RGS6: variants seen among roughly 807,000 people sequenced by gnomAD.
The protein encoded by RGS6 is regulator of G-protein signaling 6.
RGS6 carries 30 observed loss-of-function variants against 78.5 expected under a neutral mutation model. The observed-to-expected ratio is 0.38, with a 90% CI of 0.29 to 0.52. The LOEUF (loss-of-function observed/expected upper bound fraction) is 0.52, where lower values mean the gene tolerates loss of function less well. Among genes scored for constraint, RGS6 ranks in the 20% least tolerant of loss-of-function variants. The pLI is 0.85. For missense variants in RGS6, 495 were observed against 609.7 expected (o/e 0.81, Z 1.98); for synonymous variants, 206 against 206.0 (o/e 1.00, Z 0.00).
intron 2 of RGS6, among the ~76,000 whole-genome samples, chr14:72,205,716 A>G (rs2042554495): frequency 6.6e-6 from 1 of 152,260 alleles, no homozygotes; most frequent in Admixed American, 6.5e-5. Context: ...ACTGTTAAAC[A>G]CATTTGAAAT....
chr14:72,482,258 G>A (rs1414933109), intron 12 of RGS6, among the ~76,000 whole-genome samples: 1 of 152,156 alleles, frequency 6.6e-6, no homozygotes, highest in African/African-American at 2.4e-5. Flanking sequence ...TCAGTGGTCA[G>A]GATCTTATAA....
At chr14:72,208,737 C>T (rs988393429) in intron 2 of RGS6, among the ~76,000 whole-genome samples, 7 of 152,214 alleles carry the variant, frequency 4.6e-5, no homozygotes, top group South Asian at 2.1e-4. Context: ...GTCTGCTAAT[C>T]GTATCAGCAA....
chr14:72,541,870 G>A (rs763463059), intron 17 of RGS6, among the ~76,000 whole-genome samples: 2 of 152,150 alleles, frequency 1.3e-5, no homozygotes, highest in Non-Finnish European at 2.9e-5. Flanking sequence ...AGGCAAGAAT[G>A]GTCTCGCGAA....
Position 72,340,121 on chromosome 14 carries a change from TC to T in RGS6, c.85-11973del, listed in dbSNP as rs200077447. Among the ~76,000 whole-genome samples the T allele has an allele frequency of 8.9e-3, 1,352 of 152,276 alleles. 10 individuals are homozygous for T. The highest frequency in any genetic ancestry group is 0.021 in the South Asian group (100 of 4,816). ...ATTTATATTTGGAATGAGTGATGATTCTCTCTGCTTCCCCTTTGGGACTGAC... is the reference window on the plus strand; with the variant it reads ...ATTTATATTTGGAATGAGTGATGATTTCTCTGCTTCCCCTTTGGGACTGAC... On this transcript the variant is annotated intron_variant, in intron 2 of 17. Transcript: ENST00000553525.
chr14:72,536,804 C>G (rs574853254), intron 16 of RGS6, among the ~76,000 whole-genome samples: 1 of 152,082 alleles, frequency 6.6e-6, no homozygotes, highest in Non-Finnish European at 1.5e-5. Context: ...TCCTTGACAC[C>G]CCCTTCCTCT....
rs150346714 is a variant in RGS6 at position 72,195,695 on chromosome 14, C to T, written c.85-156400C>T. ...AGTGACTAGGAGAACTTTTTATAAG[C>T]GACTTCCTGAGCAGCAAGTGATCAA... On this transcript the variant is annotated intron_variant, in intron 2 of 17. Transcript: ENST00000553525. Among the ~76,000 whole-genome samples, 15 of 152,254 alleles carry T rather than the reference C, an allele frequency of 9.9e-5. No individual in the cohort carries two copies. The East Asian group carries it at 1.2e-3, about 12-fold the overall frequency.
chr14:72,100,526 G>C (rs2095506953), intron 2 of RGS6, among the ~76,000 whole-genome samples: 1 of 152,098 alleles, frequency 6.6e-6, no homozygotes, highest in Non-Finnish European at 1.5e-5. Flanking sequence ...AAGAAAGACT[G>C]TAAGAAGGCT....
intron 2 of RGS6, among the ~76,000 whole-genome samples, chr14:72,043,741 A>G (rs1160558568): frequency 5.9e-5 from 9 of 152,170 alleles, no homozygotes; most frequent in Non-Finnish European, 1.5e-5. Flanking sequence ...GGTGGTCTCT[A>G]AGCTTCCTAG....
intron 2 of RGS6, among the ~76,000 whole-genome samples, chr14:72,179,106 T>A (rs1264461946): frequency 1.3e-5 from 2 of 152,196 alleles, no homozygotes; most frequent in Non-Finnish European, 2.9e-5. Context: ...TCTGGAAAAG[T>A]AAGAAGCTGC....
chr14:71,907,524 C>G, the RGS6 span, among the ~76,000 whole-genome samples: 1 of 152,028 alleles, frequency 6.6e-6, no homozygotes, highest in Non-Finnish European at 1.5e-5. Context: ...TGGAGAGGGT[C>G]TCGGGCACAG....
chr14:72,449,406 C>G (rs1409261430), intron 3 of RGS6, among the ~76,000 whole-genome samples: 1 of 152,060 alleles, frequency 6.6e-6, no homozygotes. Context: ...TGATAGAATG[C>G]TTTGGGAAGA....
chr14:72,514,655 T>C (rs768283473), intron 14 of RGS6, among the ~76,000 whole-genome samples: 4 of 152,164 alleles, frequency 2.6e-5, no homozygotes, highest in Admixed American at 1.3e-4. Flanking sequence ...GCTATGACAA[T>C]TGGCAGAGAC....
intron 2 of RGS6, among the ~76,000 whole-genome samples, chr14:72,348,309 G>A: frequency 6.6e-6 from 1 of 152,134 alleles, no homozygotes; most frequent in East Asian, 1.9e-4. Flanking sequence ...GTTTGACCTT[G>A]GATAAATTGC....
At chr14:72,060,740 T>C (rs2093852843) in intron 2 of RGS6, among the ~76,000 whole-genome samples, 1 of 152,216 alleles carries the variant, frequency 6.6e-6, no homozygotes, top group African/African-American at 2.4e-5. Flanking sequence ...TGAAGTCTTA[T>C]TCTGAAATAA....
chr14:71,901,320 G>A, the RGS6 span, among the ~76,000 whole-genome samples: 30 of 152,262 alleles, frequency 2.0e-4, 1 homozygote, highest in Middle Eastern at 6.8e-3. Context: ...CAAACCAGTT[G>A]TGTGAATATT....
chr14:72,264,664 G>A (rs1267349871), intron 2 of RGS6, among the ~76,000 whole-genome samples: 1 of 152,180 alleles, frequency 6.6e-6, no homozygotes, highest in Non-Finnish European at 1.5e-5. Flanking sequence ...CTTACCAGGA[G>A]TACATGCAGT....
intron 3 of RGS6, among the ~76,000 whole-genome samples, chr14:72,439,964 C>T (rs1027055564): frequency 1.3e-5 from 2 of 152,180 alleles, no homozygotes; most frequent in Non-Finnish European, 2.9e-5. Context: ...TTGCTCTAGC[C>T]GCAGGCTGCT....
At chr14:72,093,588 C>G (rs1469389696) in intron 2 of RGS6, among the ~76,000 whole-genome samples, 1 of 152,192 alleles carries the variant, frequency 6.6e-6, no homozygotes, top group Non-Finnish European at 1.5e-5. Flanking sequence ...AAGCATTGCT[C>G]TACAGTTTGC....
Position 72,271,230 on chromosome 14 carries a change from C to G in RGS6, c.85-80865C>G, listed in dbSNP as rs558911611. On this transcript the variant is annotated intron_variant, in intron 2 of 17. Transcript: ENST00000553525. ...ATAAAGGAAAGAGGTTTAATGGACTCTCAGTTCCACATGGCTGGGGAGGCC... is the reference window on the plus strand; with the variant it reads ...ATAAAGGAAAGAGGTTTAATGGACTGTCAGTTCCACATGGCTGGGGAGGCC... Among the ~76,000 whole-genome samples the G allele has an allele frequency of 2.6e-5, 4 of 152,286 alleles. No homozygotes were observed. In the East Asian group the frequency reaches 7.7e-4, roughly 29 times the overall value.
Sources: gnomAD v4.1 joint callset for allele counts (sites outside exome capture counted in the v4.1 genomes callset) on GRCh38, gnomAD v4.1.1 for gene constraint, MANE v1.5 for transcripts, NCBI Gene and HGNC (gene_info 2026-07-23, HGNC 2026-07-21) for gene names.